Variants in KHDRBS2 observed in about 807,000 individuals in gnomAD.
The protein encoded by KHDRBS2 is KH domain-containing, RNA-binding, signal transduction-associated protein 2.
A neutral mutation model predicts 44.3 loss-of-function variants in KHDRBS2; 26 were observed. The observed-to-expected ratio is 0.59, with a 90% CI of 0.43 to 0.81. The LOEUF is 0.81. Among genes scored for constraint, KHDRBS2 ranks in the 40% least tolerant of loss-of-function variants. The pLI is 0.00. For synonymous variants in KHDRBS2, 194 were observed against 151.1 expected (o/e 1.28, Z -2.08); for missense variants, 476 against 433.1 (o/e 1.10, Z -0.88).
At chr6:62,131,159 T>G (rs1810211875) in intron 2 of KHDRBS2, among the ~76,000 whole-genome samples, 1 of 152,224 alleles carries the variant, frequency 6.6e-6, no homozygotes, top group African/African-American at 2.4e-5. Context: ...AGTCCCCTAG[T>G]AATCTTATAT....
At chr6:61,998,733 A>AAATAAAAGG (rs1355762157) in intron 3 of KHDRBS2, among the ~76,000 whole-genome samples, 4 of 152,040 alleles carry the variant, frequency 2.6e-5, no homozygotes, top group African/African-American at 9.7e-5. Context: ...CCTTGGCTAG[A>AAATAAAAGG]AATAAAAGGA....
intron 6 of KHDRBS2, among the ~76,000 whole-genome samples, chr6:61,814,518 A>C (rs972382487): frequency 6.9e-5 from 6 of 87,500 alleles, no homozygotes; most frequent in African/African-American, 3.9e-4. Flanking sequence ...GAGGCAGGTG[A>C]ATCGCTTGAC....
chr6:61,830,002 C>T (rs1358830490), intron 6 of KHDRBS2, among the ~76,000 whole-genome samples: 1 of 152,082 alleles, frequency 6.6e-6, no homozygotes, highest in Non-Finnish European at 1.5e-5. Flanking sequence ...ATTTACTATT[C>T]CTATTCAAGT....
chr6:62,253,717 C>T (rs917896970), intron 1 of KHDRBS2, among the ~76,000 whole-genome samples: 3 of 151,954 alleles, frequency 2.0e-5, no homozygotes, highest in African/African-American at 7.2e-5. Context: ...ATTACAATAA[C>T]AGCCTGTGTC....
intron 3 of KHDRBS2, among the ~76,000 whole-genome samples, chr6:62,010,049 G>A (rs1780011894): frequency 6.6e-6 from 1 of 152,110 alleles, no homozygotes; most frequent in Non-Finnish European, 1.5e-5. Flanking sequence ...TGTACCATGA[G>A]CCTGGAAAAG....
the KHDRBS2 span, among the ~76,000 whole-genome samples, chr6:61,631,188 G>A: frequency 6.6e-6 from 1 of 151,496 alleles, no homozygotes; most frequent in Admixed American, 6.6e-5. Context: ...TAAACAAACA[G>A]TTTATGAGCA....
At chr6:61,732,828 T>G in intron 6 of KHDRBS2, 64 bp from the exon 7 acceptor site, 1 of 863,600 alleles carries the variant, frequency 1.2e-6, no homozygotes, top group Non-Finnish European at 2.0e-6. Flanking sequence ...CTGTTTTCAG[T>G]TAGCACAATT....
intron 2 of KHDRBS2, among the ~76,000 whole-genome samples, chr6:62,050,932 A>G (rs1788884419): frequency 6.6e-6 from 1 of 152,104 alleles, no homozygotes; most frequent in Non-Finnish European, 1.5e-5. Context: ...GTTTATATGT[A>G]AACAGAAAGA....
chr6:61,693,142 T>A (rs1582192344), intron 8 of KHDRBS2, among the ~76,000 whole-genome samples: 1 of 152,122 alleles, frequency 6.6e-6, no homozygotes, highest in Non-Finnish European at 1.5e-5. Flanking sequence ...TAATAGTTAA[T>A]ATGTAAAGTA....
chr6:62,034,616 A>C (rs1784925516), intron 3 of KHDRBS2, among the ~76,000 whole-genome samples: 3 of 151,434 alleles, frequency 2.0e-5, no homozygotes, highest in African/African-American at 7.3e-5. Context: ...AAAAACACTC[A>C]AAAATTGTGT....
the KHDRBS2 span, among the ~76,000 whole-genome samples, chr6:61,649,960 C>T: frequency 8.5e-5 from 13 of 152,258 alleles, no homozygotes; most frequent in South Asian, 2.5e-3. Flanking sequence ...CCCTGTTCCA[C>T]CCTGAGAATA....
At chr6:61,633,960 T>C in the KHDRBS2 span, among the ~76,000 whole-genome samples, 1 of 152,046 alleles carries the variant, frequency 6.6e-6, no homozygotes, top group African/African-American at 2.4e-5. Flanking sequence ...CTGTAATTAA[T>C]ATTACTTTAA....
chr6:61,589,229 C>A, the KHDRBS2 span, among the ~76,000 whole-genome samples: 1 of 152,074 alleles, frequency 6.6e-6, no homozygotes, highest in Admixed American at 6.6e-5. Context: ...TATCTCAGAA[C>A]TTAAAGCAAA....
chr6:61,766,805 T>C (rs1780078177), intron 6 of KHDRBS2, among the ~76,000 whole-genome samples: 1 of 152,116 alleles, frequency 6.6e-6, no homozygotes, highest in African/African-American at 2.4e-5. Flanking sequence ...TTAGTTTTAT[T>C]ACATTGCGGT....
chr6:62,137,091 C>T (rs568690561), intron 2 of KHDRBS2, among the ~76,000 whole-genome samples: 25 of 149,660 alleles, frequency 1.7e-4, no homozygotes, highest in African/African-American at 5.9e-4. Context: ...AGCTCCGCCT[C>T]CCGGGTTCAC....
chr6:61,782,498 A>C (rs1217302635), intron 6 of KHDRBS2, among the ~76,000 whole-genome samples: 1 of 151,860 alleles, frequency 6.6e-6, no homozygotes, highest in Non-Finnish European at 1.5e-5. Flanking sequence ...ACAAATCTAA[A>C]TCTCAATAAA....
chr6:61,965,044 A>G (rs1769597974), intron 4 of KHDRBS2, among the ~76,000 whole-genome samples: 1 of 152,110 alleles, frequency 6.6e-6, no homozygotes, highest in Non-Finnish European at 1.5e-5. Context: ...ACTTGGGTGA[A>G]TGTAAACGAA....
chr6:61,592,827 G>A, the KHDRBS2 span, among the ~76,000 whole-genome samples: 4 of 152,112 alleles, frequency 2.6e-5, no homozygotes, highest in Non-Finnish European at 5.9e-5. Flanking sequence ...AGGACCAGCA[G>A]CCAAATCTTC....
chr6:62,169,200 T>C (rs1610006), intron 2 of KHDRBS2, among the ~76,000 whole-genome samples: 85,400 of 141,598 alleles, frequency 0.6, 26,162 homozygotes, highest in Non-Finnish European at 0.62. Flanking sequence ...TATACATATA[T>C]GTATATATAT....
Sources: gnomAD v4.1 joint callset for allele counts (sites outside exome capture counted in the v4.1 genomes callset) on GRCh38, gnomAD v4.1.1 for gene constraint, MANE v1.5 for transcripts, NCBI Gene and HGNC (gene_info 2026-07-23, HGNC 2026-07-21) for gene names.